PTK2: variants seen among roughly 807,000 people sequenced by gnomAD.
PTK2 encodes focal adhesion kinase 1.
Under a neutral mutation model 150.1 loss-of-function variants are expected in PTK2, and 45 were observed. The observed-to-expected ratio is 0.30, with a 90% CI of 0.24 to 0.38. PTK2 has a LOEUF of 0.38. PTK2 is among the 10% of genes least tolerant of loss of function. PTK2 has a pLI of 1.00. For missense variants in PTK2, 919 were observed against 1,307.3 expected (o/e 0.70, Z 4.58); for synonymous variants, 432 against 449.2 (o/e 0.96, Z 0.48).
intron 17 of PTK2, among the ~76,000 whole-genome samples, chr8:140,747,909 G>A (rs1390895494): frequency 1.3e-5 from 2 of 152,104 alleles, no homozygotes; most frequent in African/African-American, 2.4e-5. Context: ...TGGTAAGTAG[G>A]AGTGTGTAAT....
At chr8:140,887,761 A>G (rs1449997183) in intron 3 of PTK2, among the ~76,000 whole-genome samples, 2 of 152,228 alleles carry the variant, frequency 1.3e-5, no homozygotes, top group Admixed American at 6.5e-5. Context: ...TTAACCTACT[A>G]TATCAAAAGT....
chr8:140,928,957 ATTTTTT>A (rs34658967), intron 1 of PTK2, among the ~76,000 whole-genome samples: 8 of 92,232 alleles, frequency 8.7e-5, no homozygotes, highest in African/African-American at 3.0e-4. Flanking sequence ...TTTTATCACA[ATTTTTT>A]TTTTTTTTTT....
At chr8:140,717,457 G>C in intron 23 of PTK2, 141 bp downstream of exon 26, 1 of 647,298 alleles carries the variant, frequency 1.5e-6, no homozygotes, top group Non-Finnish European at 2.7e-6. Flanking sequence ...GAGCAAAAAG[G>C]AAACAATTAG....
At chr8:140,717,873 C>T (rs1355431533) in intron 22 of PTK2, 164 bp from the exon 26 acceptor site, 5 of 538,106 alleles carry the variant, frequency 9.3e-6, no homozygotes, top group South Asian at 5.0e-5. Context: ...TAACTCTCCA[C>T]GAAATGATTC....
At chr8:140,919,234 G>C (rs1052586112) in intron 2 of PTK2, among the ~76,000 whole-genome samples, 3 of 152,116 alleles carry the variant, frequency 2.0e-5, no homozygotes, top group Admixed American at 1.3e-4. Flanking sequence ...TCTTTTATAC[G>C]TGTGAGCTCT....
At chr8:140,800,364 C>T in intron 12 of PTK2, 95 bp downstream of exon 12, 1 of 981,422 alleles carries the variant, frequency 1.0e-6, no homozygotes, top group Admixed American at 1.7e-5. Context: ...TTCATTTTTA[C>T]AGTTACCTAA....
chr8:140,729,098 C>T (rs1017156235), intron 22 of PTK2, among the ~76,000 whole-genome samples: 1 of 152,110 alleles, frequency 6.6e-6, no homozygotes, highest in Admixed American at 6.5e-5. Flanking sequence ...GAAAATCTGT[C>T]TGCACCCATG....
chr8:140,681,362 A>G (rs1299631067), intron 27 of PTK2, among the ~76,000 whole-genome samples: 1 of 149,264 alleles, frequency 6.7e-6, no homozygotes, highest in Non-Finnish European at 1.5e-5. Flanking sequence ...CAAAAAAAAA[A>G]AAAAGATCTC....
intron 22 of PTK2, among the ~76,000 whole-genome samples, chr8:140,733,151 G>C (rs2100050539): frequency 6.6e-6 from 1 of 152,154 alleles, no homozygotes; most frequent in African/African-American, 2.4e-5. Context: ...GGAGGGTGGG[G>C]GGCAGGCACA....
At chr8:140,695,335 C>A (rs2100025876) in intron 26 of PTK2, among the ~76,000 whole-genome samples, 1 of 152,106 alleles carries the variant, frequency 6.6e-6, no homozygotes, top group Non-Finnish European at 1.5e-5. Context: ...AATGACCACT[C>A]AACTTCCTAT....
chr8:140,874,344 A>C (rs961335081), intron 4 of PTK2, among the ~76,000 whole-genome samples: 15 of 152,164 alleles, frequency 9.9e-5, no homozygotes, highest in African/African-American at 3.6e-4. Flanking sequence ...ATGTCCAAAA[A>C]CGTCATGGAA....
chr8:140,820,742 G>A (rs1259655843), intron 8 of PTK2: 1 of 152,270 alleles, frequency 6.6e-6, no homozygotes, highest in Non-Finnish European at 1.5e-5. Flanking sequence ...AATGCCAGAA[G>A]AATACCAGAA....
chr8:140,827,753 G>A (rs1435085640), intron 8 of PTK2, among the ~76,000 whole-genome samples: 1 of 152,116 alleles, frequency 6.6e-6, no homozygotes, highest in Non-Finnish European at 1.5e-5. Flanking sequence ...TACGTGCCAG[G>A]TACAATGTCA....
chr8:140,879,403 C>A, intron 4 of PTK2, 68 bp downstream of exon 4: 1 of 1,438,492 alleles, frequency 7.0e-7, no homozygotes, highest in African/African-American at 1.4e-5. Flanking sequence ...CATTTGTTAT[C>A]TTGTGCATGT....
chr8:140,867,485 G>A (rs2100140032), intron 4 of PTK2, among the ~76,000 whole-genome samples: 1 of 152,120 alleles, frequency 6.6e-6, no homozygotes, highest in African/African-American at 2.4e-5. Context: ...CTTAAAAACA[G>A]AAAAGAACTT....
chr8:140,741,102 C>A (rs2100055374), intron 20 of PTK2, among the ~76,000 whole-genome samples: 1 of 151,560 alleles, frequency 6.6e-6, no homozygotes, highest in Non-Finnish European at 1.5e-5. Flanking sequence ...TGTGCTCATG[C>A]CACTGCACTC....
intron 5 of PTK2, among the ~76,000 whole-genome samples, chr8:140,858,913 T>C (rs973053152): frequency 9.8e-5 from 15 of 152,286 alleles, no homozygotes; most frequent in Non-Finnish European, 2.2e-4. Context: ...TGCAAAATTA[T>C]TTTCAAAATG....
intron 14 of PTK2, among the ~76,000 whole-genome samples, chr8:140,767,931 G>T (rs2100073343): frequency 6.6e-6 from 1 of 151,928 alleles, no homozygotes; most frequent in Non-Finnish European, 1.5e-5. Flanking sequence ...CCCTCCACAT[G>T]TTAGTGTAAC....
intron 1 of PTK2, among the ~76,000 whole-genome samples, chr8:140,969,720 C>T (rs2100186582): frequency 6.6e-6 from 1 of 152,232 alleles, no homozygotes; most frequent in Admixed American, 6.5e-5. Context: ...CCTAGGCAAG[C>T]TCACTTTAAA....
Sources: allele counts gnomAD v4.1 joint callset (sites outside exome capture counted in the v4.1 genomes callset), GRCh38; gene constraint gnomAD v4.1.1; transcripts MANE v1.5; gene names NCBI Gene and HGNC (gene_info 2026-07-23, HGNC 2026-07-21).